Variants in RAD51B observed in about 807,000 individuals in gnomAD.
RAD51B encodes RAD51 paralog B, also known as DNA repair protein RAD51 homolog 2.
RAD51B carries 38 observed loss-of-function variants against 42.2 expected under a neutral mutation model. The ratio of observed to expected loss-of-function variants is 0.90; its 90% CI spans 0.70 to 1.18. The LOEUF is 1.18. Among genes scored for constraint, RAD51B ranks in the 50% most tolerant of loss-of-function variants. The probability of loss-of-function intolerance (pLI) is 0.00; values close to 1 mark genes in which losing one functional copy is unlikely to be tolerated. For synonymous variants in RAD51B, 154 were observed against 145.2 expected (o/e 1.06, Z -0.43); for missense variants, 373 against 400.7 (o/e 0.93, Z 0.59).
intron 7 of RAD51B, among the ~76,000 whole-genome samples, chr14:67,966,079 G>A (rs1454056263): frequency 6.6e-6 from 1 of 152,156 alleles, no homozygotes; most frequent in Non-Finnish European, 1.5e-5. Context: ...AAAGGATAGA[G>A]GGAAATAGCT....
chr14:67,915,027 G>A (rs781530259), intron 7 of RAD51B, among the ~76,000 whole-genome samples: 1 of 152,070 alleles, frequency 6.6e-6, no homozygotes, highest in Non-Finnish European at 1.5e-5. Flanking sequence ...GCTAAACATC[G>A]GGTATTCATG....
At position 68,145,504 on chromosome 14, in the gene RAD51B, AC is replaced by A. The variant is rs553263780; in HGVS notation, c.757-146379del. ...TAACCTACATTAAAGTACCTGTTAC[AC>A]ATATTATGTTTAATAAGTTATTATA... On this transcript the variant is annotated intron_variant, in intron 7 of 10. Transcript: ENST00000471583. 2.7e-4 allele frequency among the ~76,000 whole-genome samples: 41 copies of A among 152,358 alleles called. No homozygotes were observed. The South Asian group carries it at 4.6e-3, about 17-fold the overall frequency.
chr14:68,374,212 T>A (rs1020714545), intron 8 of RAD51B, among the ~76,000 whole-genome samples: 1 of 152,190 alleles, frequency 6.6e-6, no homozygotes, highest in Non-Finnish European at 1.5e-5. Context: ...TCATTCTGAT[T>A]TTCCTAGTGC....
chr14:68,076,366 T>G (rs1343499213), intron 7 of RAD51B, among the ~76,000 whole-genome samples: 2 of 152,218 alleles, frequency 1.3e-5, no homozygotes, highest in Admixed American at 6.5e-5. Context: ...AGTTAATTTT[T>G]CAAGAACAGG....
At chr14:68,098,069 C>T (rs887038829) in intron 7 of RAD51B, among the ~76,000 whole-genome samples, 1 of 152,214 alleles carries the variant, frequency 6.6e-6, no homozygotes, top group Non-Finnish European at 1.5e-5. Context: ...CATTTATGTA[C>T]AGTCTCGTGA....
intron 7 of RAD51B, among the ~76,000 whole-genome samples, chr14:68,285,185 A>G (rs1443029882): frequency 6.6e-6 from 1 of 152,184 alleles, no homozygotes; most frequent in Non-Finnish European, 1.5e-5. Flanking sequence ...AATTTCTCAC[A>G]GGAAAGTTCC....
intron 7 of RAD51B, among the ~76,000 whole-genome samples, chr14:67,991,553 C>T (rs566157506): frequency 6.6e-6 from 1 of 152,138 alleles, no homozygotes; most frequent in Admixed American, 6.5e-5. Context: ...GCTGGCTGAA[C>T]AGCCATCTGA....
chr14:68,018,012 G>A (rs188167334), intron 7 of RAD51B, among the ~76,000 whole-genome samples: 1 of 148,716 alleles, frequency 6.7e-6, no homozygotes, highest in East Asian at 2.0e-4. Context: ...TTTAACTGCA[G>A]AATTACCTAT....
intron 7 of RAD51B, among the ~76,000 whole-genome samples, chr14:68,235,529 C>T (rs2080232056): frequency 6.6e-6 from 1 of 150,712 alleles, no homozygotes; most frequent in African/African-American, 2.4e-5. Context: ...ACGGTGAAAC[C>T]CCGTCTCTAC....
chr14:67,829,405 G>T (rs1175587493), intron 3 of RAD51B, among the ~76,000 whole-genome samples: 1 of 152,006 alleles, frequency 6.6e-6, no homozygotes, highest in Non-Finnish European at 1.5e-5. Context: ...TCCACGCCTG[G>T]CTAAGTTTTT....
At chr14:68,415,664 G>A (rs929638513) in intron 9 of RAD51B, among the ~76,000 whole-genome samples, 9 of 152,202 alleles carry the variant, frequency 5.9e-5, no homozygotes, top group Non-Finnish European at 1.2e-4. Context: ...AGAGAGGAGT[G>A]GCCGAGGCCT....
At chr14:68,147,807 A>T (rs2078285394) in intron 7 of RAD51B, among the ~76,000 whole-genome samples, 1 of 151,400 alleles carries the variant, frequency 6.6e-6, no homozygotes, top group African/African-American at 2.4e-5. Flanking sequence ...GGGAAATTAA[A>T]AAAAAAAAAA....
intron 7 of RAD51B, among the ~76,000 whole-genome samples, chr14:67,971,354 T>C (rs17104818): frequency 0.016 from 2,447 of 152,204 alleles, 67 homozygotes; most frequent in African/African-American, 0.054. Context: ...TCTTGGAATA[T>C]GGCTTTGCAG....
chr14:68,194,612 A>G (rs2079332594), intron 7 of RAD51B, among the ~76,000 whole-genome samples: 1 of 152,170 alleles, frequency 6.6e-6, no homozygotes, highest in Non-Finnish European at 1.5e-5. Flanking sequence ...TTAAATAGAG[A>G]ATTATATCTG....
intron 9 of RAD51B, among the ~76,000 whole-genome samples, chr14:68,414,560 C>T (rs1048351523): frequency 3.3e-5 from 5 of 152,002 alleles, no homozygotes; most frequent in Non-Finnish European, 5.9e-5. Flanking sequence ...TTCCTGCCCT[C>T]GAGGTCCAAA....
intron 7 of RAD51B, among the ~76,000 whole-genome samples, chr14:68,042,103 A>AT (rs561583412): frequency 6.6e-6 from 1 of 152,062 alleles, no homozygotes; most frequent in Non-Finnish European, 1.5e-5. Flanking sequence ...TGTCTGTGTG[A>AT]TTTTTTCACA....
At chr14:68,096,598 A>G (rs2077199535) in intron 7 of RAD51B, among the ~76,000 whole-genome samples, 1 of 152,212 alleles carries the variant, frequency 6.6e-6, no homozygotes, top group Admixed American at 6.5e-5. Context: ...TGAGGAGCCC[A>G]CCTAGTACAC....
chr14:68,159,918 G>T (rs976604486), intron 7 of RAD51B, among the ~76,000 whole-genome samples: 5 of 152,112 alleles, frequency 3.3e-5, no homozygotes, highest in Non-Finnish European at 5.9e-5. Context: ...GGGTAGCCAT[G>T]TGAATTATTT....
At chr14:68,052,414 G>A (rs112451779) in intron 7 of RAD51B, among the ~76,000 whole-genome samples, 41 of 150,704 alleles carry the variant, frequency 2.7e-4, no homozygotes, top group African/African-American at 8.8e-4. Context: ...AAACTTACCC[G>A]TAAGAGCATT....
Sources: allele counts gnomAD v4.1 joint callset (sites outside exome capture counted in the v4.1 genomes callset), GRCh38; gene constraint gnomAD v4.1.1; transcripts MANE v1.5; gene names NCBI Gene and HGNC (gene_info 2026-07-23, HGNC 2026-07-21).